The following KIF14 variants were observed in gnomAD, a reference collection of about 807,000 sequenced individuals.
The protein encoded by KIF14 is kinesin family member 14.
In KIF14, 98 loss-of-function variants were observed where a neutral mutation model predicts 176.2. The ratio of observed to expected loss-of-function variants is 0.56; its 90% confidence interval spans 0.47 to 0.66. The LOEUF (loss-of-function observed/expected upper bound fraction) is 0.66, where lower values mean the gene tolerates loss of function less well. Among genes scored for constraint, KIF14 ranks in the 30% least tolerant of loss-of-function variants. The pLI is 0.00. For synonymous variants in KIF14, 566 were observed against 632.2 expected (o/e 0.90, Z 1.57); for missense variants, 1,751 against 1,920.4 (o/e 0.91, Z 1.65).
At position 200,590,246 on chromosome 1, in the gene KIF14, T is replaced by C. The variant is rs1261102118; in HGVS notation, c.2840A>G (p.Gln947Arg). The change falls in exon 17 of 30, where the codon CAG becomes CGG. Residue 947 changes from glutamine (Q) to arginine (R), a missense_variant. Physicochemically the swap from Gln to Arg is conservative, Grantham distance 43 (BLOSUM62 1). Transcript: ENST00000367350. ...SQLEAEIKEA[Q>R]LKAKEEMMQG... ...CATCATTTCTTCCTTTGCCTTCAACTGAGCCTCTTTTATTTCTGCTTCAAG... is the reference window on the plus strand; with the variant it reads ...CATCATTTCTTCCTTTGCCTTCAACCGAGCCTCTTTTATTTCTGCTTCAAG... 1 of 1,613,566 alleles carries C rather than the reference T, an allele frequency of 6.2e-7. No homozygotes were observed. Among genetic ancestry groups the C allele is most frequent in the African/African-American group, 1.3e-5 (1 of 75,004 alleles).
chr1:200,599,181 C>T (rs546849421), intron 13 of KIF14, among the ~76,000 whole-genome samples: 12 of 152,248 alleles, frequency 7.9e-5, no homozygotes, highest in Admixed American at 7.9e-4. Flanking sequence ...ATGTAAATTC[C>T]CTGGTCACTT....
rs1657105822 is a variant in KIF14 at position 200,560,903 on chromosome 1, T to C, written c.4072-23A>G. On this transcript the variant is annotated intron_variant, in intron 25 of 29. Transcript: ENST00000367350. ...TCCCTGTAAGATAAAAATGGACAAGTGTATCAGATACATGAGATTATAACA... is the reference window on the plus strand; with the variant it reads ...TCCCTGTAAGATAAAAATGGACAAGCGTATCAGATACATGAGATTATAACA... The C allele has an allele frequency of 3.1e-6, 5 of 1,601,680 alleles. No homozygotes were observed. The Admixed American group carries it at 5.0e-5, about 16-fold the overall frequency.
chr1:200,606,722 G>C, intron 6 of KIF14, 24 bp downstream of exon 6: 1 of 1,595,286 alleles, frequency 6.3e-7, no homozygotes, highest in Non-Finnish European at 8.6e-7. Context: ...TATCCTCTTT[G>C]CCCTTGCTGA....
At chr1:200,565,843 A>G (rs1382451754) in intron 23 of KIF14, among the ~76,000 whole-genome samples, 174 bp from the exon 24 acceptor site, 1 of 152,176 alleles carries the variant, frequency 6.6e-6, no homozygotes, top group Non-Finnish European at 1.5e-5. Flanking sequence ...TATATATAAC[A>G]TCGTATGCTA....
chr1:200,617,475 T>C, intron 2 of KIF14, 137 bp downstream of exon 2: 1 of 800,046 alleles, frequency 1.2e-6, no homozygotes, highest in Non-Finnish European at 2.0e-6. Flanking sequence ...CAACTAGACC[T>C]AAAAGTTCTT....
intron 10 of KIF14, 112 bp downstream of exon 10, chr1:200,603,114 T>C: frequency 1.7e-6 from 1 of 584,754 alleles, no homozygotes; most frequent in Non-Finnish European, 2.9e-6. Context: ...CTAGAATTCA[T>C]AATGCTTACC....
At position 200,588,256 on chromosome 1, in the gene KIF14, T is replaced by G. The variant is rs536551056; in HGVS notation, c.3114+961A>C. Among the ~76,000 whole-genome samples, 260 of 151,502 alleles carry G rather than the reference T, an allele frequency of 1.7e-3. 1 individual carries two copies. The highest frequency in any genetic ancestry group is 0.017 in the Middle Eastern group (5 of 294). ...GTTTGTTTGTTTGTTTTGTTTTTTTTTTTTTGACAGAGTCTTGCTCTGTCA... is the reference window on the plus strand; with the variant it reads ...GTTTGTTTGTTTGTTTTGTTTTTTTGTTTTTGACAGAGTCTTGCTCTGTCA... On this transcript the variant is annotated intron_variant, in intron 18 of 29. Coordinates refer to ENST00000367350, the MANE Select transcript of KIF14 (RefSeq NM_014875.3).
In KIF14 at chr1:200,589,321, C is replaced by T. The variant is rs1168196159; in HGVS notation, c.3010G>A (p.Ala1004Thr). 12 of 1,610,610 alleles carry T rather than the reference C, an allele frequency of 7.5e-6. No homozygotes were observed. Among genetic ancestry groups the T allele is most frequent in the African/African-American group, 1.3e-5 (1 of 74,830 alleles). Reference protein sequence around the residue: ...KKMQEINNQKANHKIEELEKA... With the variant: ...KKMQEINNQKTNHKIEELEKA... Reference sequence around the variant, plus strand: ...TCTAATTCCTCAATTTTGTGATTAGCCTTCTGGTTATTTATTTCCTGCATT... The same window carrying T: ...TCTAATTCCTCAATTTTGTGATTAGTCTTCTGGTTATTTATTTCCTGCATT... The change falls in exon 18 of 30, where the codon GCT (alanine) becomes ACT (threonine). Residue 1004 changes from alanine to threonine, a missense_variant. Ala to Thr is a moderately conservative substitution (Grantham distance 58). Transcript: ENST00000367350.
intron 14 of KIF14, 113 bp from the exon 15 acceptor site, chr1:200,593,882 C>A: frequency 9.9e-6 from 5 of 502,662 alleles, no homozygotes; most frequent in East Asian, 3.6e-5. Context: ...AGATTCATAC[C>A]AATATGTAAC....
intron 25 of KIF14, among the ~76,000 whole-genome samples, chr1:200,564,242 A>C (rs1327944903): frequency 5.5e-5 from 8 of 146,190 alleles, no homozygotes; most frequent in Non-Finnish European, 1.2e-4. Flanking sequence ...CCTGGGTGAC[A>C]AGAGTGAGAC....
At chr1:200,607,591 C>T (rs1316923331) in intron 5 of KIF14, among the ~76,000 whole-genome samples, 1 of 152,130 alleles carries the variant, frequency 6.6e-6, no homozygotes, top group Non-Finnish European at 1.5e-5. Context: ...AACTTTGTGA[C>T]CAGAAGCTTT....
rs747838378 is a variant in KIF14 at position 200,560,899 on chromosome 1, C to T, written c.4072-19G>A. The T allele has an allele frequency of 6.2e-7, 1 of 1,605,334 alleles. No homozygotes were observed. Among genetic ancestry groups the T allele is most frequent in the South Asian group, 1.1e-5 (1 of 90,884 alleles). ...AGCATCCCTGTAAGATAAAAATGGACAAGTGTATCAGATACATGAGATTAT... is the reference window on the plus strand; with the variant it reads ...AGCATCCCTGTAAGATAAAAATGGATAAGTGTATCAGATACATGAGATTAT... On this transcript the variant is annotated intron_variant, in intron 25 of 29. Coordinates refer to ENST00000367350, the MANE Select transcript of KIF14 (RefSeq NM_014875.3).
chr1:200,605,813 T>C, intron 7 of KIF14, 51 bp downstream of exon 7: 1 of 1,128,184 alleles, frequency 8.9e-7, no homozygotes, highest in Non-Finnish European at 1.3e-6. Flanking sequence ...TTATAAATAT[T>C]TAGGATTATG....
At chr1:200,577,236 A>G (rs555432991) in intron 21 of KIF14, among the ~76,000 whole-genome samples, 1 of 152,250 alleles carries the variant, frequency 6.6e-6, no homozygotes, top group Non-Finnish European at 1.5e-5. Flanking sequence ...AGGAACAAGA[A>G]TCACTTGAAC....
intron 22 of KIF14, among the ~76,000 whole-genome samples, chr1:200,572,558 T>C (rs1458472662): frequency 6.6e-6 from 1 of 152,156 alleles, no homozygotes; most frequent in African/African-American, 2.4e-5. Context: ...TTAGCCAGGA[T>C]GGTCTCAATC....
intron 22 of KIF14, among the ~76,000 whole-genome samples, chr1:200,573,977 C>T (rs548003141): frequency 2.0e-5 from 3 of 152,262 alleles, no homozygotes; most frequent in Admixed American, 2.0e-4. Context: ...TTTGGAGTCA[C>T]CCAAACTTGG....
intron 25 of KIF14, among the ~76,000 whole-genome samples, chr1:200,561,142 A>C (rs953476073): frequency 1.3e-5 from 2 of 151,610 alleles, no homozygotes; most frequent in African/African-American, 4.8e-5. Flanking sequence ...AAGCATGAGA[A>C]TTGCTTGAAC....
chr1:200,590,174 G>C lies in KIF14; in HGVS notation c.2912C>G (p.Ser971Cys), dbSNP rs1349524917. The change falls in exon 17 of 30, where the codon TCT becomes TGT. Residue 971 changes from serine (S) to cysteine (C), a missense_variant. Transcript: ENST00000367350. ...AKEMAQQELSSQKAAYESKIK... is the reference protein window; with the variant it reads ...AKEMAQQELSCQKAAYESKIK... ...TTTGCTTTCATATGCAGCTTTTTGA[G>C]AAGAAAGCTCTTGCTGAGCCATTTC... 5.6e-6 allele frequency: 9 copies of C among 1,613,024 alleles called. No homozygotes were observed. The highest frequency in any genetic ancestry group is 6.8e-6 in the Non-Finnish European group (8 of 1,179,818).
chr1:200,614,441 C>T, intron 3 of KIF14, 36 bp from the exon 4 acceptor site: 2 of 1,258,774 alleles, frequency 1.6e-6, no homozygotes, highest in Non-Finnish European at 2.3e-6. Context: ...GGAAATAAAA[C>T]TAATTCTTTC....
Sources: gnomAD v4.1 joint callset for allele counts (sites outside exome capture counted in the v4.1 genomes callset) on GRCh38, gnomAD v4.1.1 for gene constraint, MANE v1.5 for transcripts, NCBI Gene and HGNC (gene_info 2026-07-23, HGNC 2026-07-21) for gene names.